The following BABAM2 variants were observed in gnomAD, a reference collection of about 807,000 sequenced individuals.
BABAM2 encodes BRISC and BRCA1-A complex member 2.
BABAM2 carries 31 observed loss-of-function variants against 54.7 expected under a neutral mutation model. That is an observed-to-expected ratio of 0.57 (90% CI 0.43 to 0.77). The LOEUF (loss-of-function observed/expected upper bound fraction) is 0.77. Ranked by LOEUF, BABAM2 falls within the 30% of genes least tolerant of loss-of-function variation. The pLI is 0.00. For missense variants in BABAM2, 364 were observed against 455.8 expected, an observed-to-expected ratio of 0.80 and a Z score of 1.83; for synonymous variants, 167 against 162.9, an observed-to-expected ratio of 1.03 and a Z score of -0.19.
intron 10 of BABAM2, among the ~76,000 whole-genome samples, chr2:28,284,395 T>TAAAAAAA (rs1243975174): frequency 7.2e-6 from 1 of 137,950 alleles, no homozygotes; most frequent in African/African-American, 2.7e-5. Context: ...TGTGGGTCTT[T>TAAAAAAA]AAAAAAAAAA....
At chr2:27,934,009 A>T (rs1242852391) in intron 3 of BABAM2, among the ~76,000 whole-genome samples, 1 of 151,892 alleles carries the variant, frequency 6.6e-6, no homozygotes, top group African/African-American at 2.4e-5. Flanking sequence ...CATATAACCT[A>T]TGCCCATCTT....
At chr2:28,270,197 C>T (rs558393791) in intron 10 of BABAM2, among the ~76,000 whole-genome samples, 170 of 152,200 alleles carry the variant, frequency 1.1e-3, no homozygotes, top group Non-Finnish European at 1.9e-3. Flanking sequence ...TCATAGCTCA[C>T]TGCTGCCTCA....
At chr2:28,242,748 A>G (rs1042792067) in intron 9 of BABAM2, among the ~76,000 whole-genome samples, 10 of 152,224 alleles carry the variant, frequency 6.6e-5, no homozygotes, top group African/African-American at 2.2e-4. Context: ...CAATTTTAAG[A>G]CATTTTTCTC....
At chr2:28,223,522 C>G (rs554162557) in intron 7 of BABAM2, among the ~76,000 whole-genome samples, 2 of 152,344 alleles carry the variant, frequency 1.3e-5, no homozygotes, top group East Asian at 3.9e-4. Context: ...TTCTTCCCTT[C>G]ATTGTTCACC....
chr2:28,323,962 T>C (rs746788123), intron 11 of BABAM2, among the ~76,000 whole-genome samples: 1 of 152,172 alleles, frequency 6.6e-6, no homozygotes, highest in African/African-American at 2.4e-5. Context: ...GAGGTCAAGG[T>C]CATCCCTTTT....
intron 5 of BABAM2, among the ~76,000 whole-genome samples, chr2:28,026,841 TAA>T (rs1553414437): frequency 6.9e-5 from 3 of 43,258 alleles, no homozygotes; most frequent in Admixed American, 3.4e-4. Flanking sequence ...TAAATATATA[TAA>T]ATATATATTT....
intron 4 of BABAM2, among the ~76,000 whole-genome samples, chr2:28,024,361 G>A (rs1323065593): frequency 2.7e-5 from 4 of 150,808 alleles, no homozygotes; most frequent in African/African-American, 9.8e-5. Flanking sequence ...AGCCGAGATC[G>A]CACCACTGCA....
At chr2:28,110,151 G>A (rs1210081227) in intron 6 of BABAM2, among the ~76,000 whole-genome samples, 2 of 152,108 alleles carry the variant, frequency 1.3e-5, no homozygotes, top group African/African-American at 4.8e-5. Context: ...GGCTAATTTA[G>A]TTAGTATAAT....
intron 7 of BABAM2, among the ~76,000 whole-genome samples, chr2:28,192,776 C>A (rs1677081915): frequency 6.6e-6 from 1 of 151,944 alleles, no homozygotes; most frequent in Admixed American, 6.5e-5. Context: ...CCCACCTGGG[C>A]CTCCCAAAGT....
intron 6 of BABAM2, among the ~76,000 whole-genome samples, chr2:28,096,872 C>T (rs11679638): frequency 0.31 from 47,518 of 151,864 alleles, 7,839 homozygotes; most frequent in South Asian, 0.53. Context: ...AATTATTGGG[C>T]CAAAGGATAA....
intron 4 of BABAM2, among the ~76,000 whole-genome samples, chr2:27,994,364 G>A (rs886887702): frequency 6.6e-6 from 1 of 152,050 alleles, no homozygotes; most frequent in Non-Finnish European, 1.5e-5. Flanking sequence ...TATAAATCAC[G>A]TGTATAGCAT....
chr2:27,966,062 A>G (rs1670820665), intron 3 of BABAM2, among the ~76,000 whole-genome samples: 2 of 152,120 alleles, frequency 1.3e-5, no homozygotes, highest in Admixed American at 6.5e-5. Context: ...ACTCAGGTTC[A>G]GGTTTTGTTT....
At chr2:28,236,325 A>T (rs1055492208) in intron 7 of BABAM2, among the ~76,000 whole-genome samples, 1 of 151,922 alleles carries the variant, frequency 6.6e-6, no homozygotes, top group Admixed American at 6.6e-5. Context: ...TGGTTCATTT[A>T]AACTGAAAAA....
intron 11 of BABAM2, among the ~76,000 whole-genome samples, chr2:28,337,231 C>T (rs1308274116): frequency 1.3e-5 from 2 of 152,126 alleles, no homozygotes; most frequent in African/African-American, 4.8e-5. Context: ...CCTTCCTCTG[C>T]AGCCCCTCCC....
intron 11 of BABAM2, among the ~76,000 whole-genome samples, chr2:28,338,044 A>G (rs929965961): frequency 6.6e-6 from 1 of 152,234 alleles, no homozygotes; most frequent in African/African-American, 2.4e-5. Flanking sequence ...TATGAAGTCA[A>G]AGGTCCAACT....
At position 28,071,723 on chromosome 2, in the gene BABAM2, A is replaced by G. The variant is rs189285184; in HGVS notation, c.570+25924A>G. 4.6e-5 allele frequency among the ~76,000 whole-genome samples: 7 copies of G among 152,282 alleles called. No individual in the cohort carries two copies. The East Asian group carries it at 7.7e-4, about 17-fold the overall frequency. Reference sequence around the variant, plus strand: ...GAAAGGCAGGATAAATGCTTCTTCTATTTATTCCGTTTTCAAGATAATGAA... The same window carrying G: ...GAAAGGCAGGATAAATGCTTCTTCTGTTTATTCCGTTTTCAAGATAATGAA... On this transcript the variant is annotated intron_variant, in intron 6 of 11. Coordinates refer to ENST00000379624, the MANE Select transcript of BABAM2 (RefSeq NM_199191.3).
intron 7 of BABAM2, among the ~76,000 whole-genome samples, chr2:28,156,987 T>G (rs1377920973): frequency 1.3e-5 from 2 of 152,214 alleles, no homozygotes; most frequent in Admixed American, 6.5e-5. Context: ...ATATTTCTCT[T>G]TAGAAAACAA....
At chr2:28,326,134 T>G (rs1241511941) in intron 11 of BABAM2, among the ~76,000 whole-genome samples, 2 of 152,094 alleles carry the variant, frequency 1.3e-5, no homozygotes, top group Non-Finnish European at 2.9e-5. Context: ...CACCCTTTGG[T>G]TTTTCCCCTT....
intron 7 of BABAM2, among the ~76,000 whole-genome samples, chr2:28,192,420 A>G (rs1334382450): frequency 2.0e-5 from 3 of 148,648 alleles, no homozygotes; most frequent in Non-Finnish European, 3.0e-5. Flanking sequence ...CGTTGTGCAC[A>G]TGTACCCTGG....
Sources: gnomAD v4.1 joint callset for allele counts (sites outside exome capture counted in the v4.1 genomes callset) on GRCh38, gnomAD v4.1.1 for gene constraint, MANE v1.5 for transcripts, NCBI Gene and HGNC (gene_info 2026-07-23, HGNC 2026-07-21) for gene names.